The following FSHR variants were observed in gnomAD, a reference collection of about 807,000 sequenced individuals.
FSHR encodes follicle-stimulating hormone receptor.
In FSHR, 46 loss-of-function variants were observed where a neutral mutation model predicts 52.1. The ratio of observed to expected loss-of-function variants is 0.88; its 90% CI spans 0.70 to 1.13. The LOEUF is 1.13. FSHR is among the 50% of genes most tolerant of loss of function. The probability of loss-of-function intolerance (pLI) is 0.00; values close to 1 mark genes in which losing one functional copy is unlikely to be tolerated. For synonymous variants in FSHR, 399 were observed against 309.6 expected (o/e 1.29, Z -3.03); for missense variants, 964 against 834.6 (o/e 1.16, Z -1.91).
intron 4 of FSHR, among the ~76,000 whole-genome samples, chr2:49,010,416 T>G (rs538526898): frequency 1.3e-5 from 2 of 152,048 alleles, no homozygotes; most frequent in Non-Finnish European, 2.9e-5. Context: ...GATGTGTTGC[T>G]GGATTCAGTT....
chr2:49,147,181 A>G (rs1672901546), intron 1 of FSHR, among the ~76,000 whole-genome samples: 1 of 152,092 alleles, frequency 6.6e-6, no homozygotes, highest in Non-Finnish European at 1.5e-5. Flanking sequence ...GAGATACTCC[A>G]GGGAGAGGTC....
intron 2 of FSHR, among the ~76,000 whole-genome samples, chr2:49,027,188 T>C (rs1354070911): frequency 6.6e-6 from 1 of 152,192 alleles, no homozygotes; most frequent in African/African-American, 2.4e-5. Context: ...AATTACTCTC[T>C]TCTGTATTTC....
intron 4 of FSHR, among the ~76,000 whole-genome samples, chr2:49,004,961 T>C (rs1667027719): frequency 6.6e-6 from 1 of 152,146 alleles, no homozygotes; most frequent in Non-Finnish European, 1.5e-5. Context: ...GTGGGTCCTG[T>C]AGAAATTTTC....
intron 2 of FSHR, among the ~76,000 whole-genome samples, chr2:49,061,263 C>T (rs1362869250): frequency 1.3e-5 from 2 of 152,098 alleles, no homozygotes; most frequent in South Asian, 4.1e-4. Context: ...ACCCTGCCCC[C>T]ATAGCTGCTG....
Position 48,967,244 on chromosome 2 carries a change from C to T in FSHR, c.854+1454G>A, listed in dbSNP as rs143580346. On this transcript the variant is annotated intron_variant, in intron 9 of 9. Coordinates refer to ENST00000406846, the MANE Select transcript of FSHR (RefSeq NM_000145.4). Reference sequence around the variant, plus strand: ...CCGAGTAGGTGGGACTACAGGCATGCGCCACCACACATGGCTAATTTTGTT... The same window carrying T: ...CCGAGTAGGTGGGACTACAGGCATGTGCCACCACACATGGCTAATTTTGTT... 8.9e-3 allele frequency among the ~76,000 whole-genome samples: 1,356 copies of T among 152,128 alleles called. 8 individuals carry two copies. Among genetic ancestry groups the T allele is most frequent in the Non-Finnish European group, 0.014 (947 of 67,998 alleles).
chr2:49,090,954 A>AT (rs1178245927), intron 1 of FSHR, among the ~76,000 whole-genome samples: 3 of 151,576 alleles, frequency 2.0e-5, no homozygotes, highest in Non-Finnish European at 4.4e-5. Flanking sequence ...GATTAAAAAA[A>AT]TTTTTTTTCT....
rs189814096 is a variant in FSHR at position 48,976,069 on chromosome 2, T to C, written c.668+6843A>G. Among the ~76,000 whole-genome samples, 1,504 of 152,318 alleles carry C rather than the reference T, an allele frequency of 9.9e-3. 24 individuals are homozygous for C. The highest frequency in any genetic ancestry group is 0.041 in the Middle Eastern group (12 of 294). ...GGGCATCTTTGTCTTGTGCCAGTTTTCAAAGGAAATGCTTCCAGTTTTTGC... is the reference window on the plus strand; with the variant it reads ...GGGCATCTTTGTCTTGTGCCAGTTTCCAAAGGAAATGCTTCCAGTTTTTGC... On this transcript the variant is annotated intron_variant, in intron 8 of 9. Transcript: ENST00000406846.
At chr2:49,135,016 GTAAC>G (rs1298805947) in intron 1 of FSHR, among the ~76,000 whole-genome samples, 2 of 152,124 alleles carry the variant, frequency 1.3e-5, no homozygotes, top group Non-Finnish European at 2.9e-5. Context: ...GTATACATAT[GTAAC>G]TAACCTGCAC....
At chr2:49,106,839 T>C (rs1671241306) in intron 1 of FSHR, among the ~76,000 whole-genome samples, 2 of 152,172 alleles carry the variant, frequency 1.3e-5, no homozygotes, top group Non-Finnish European at 2.9e-5. Flanking sequence ...GCTACATATG[T>C]GCAAGATGGC....
intron 1 of FSHR, among the ~76,000 whole-genome samples, chr2:49,149,836 G>A (rs571912987): frequency 6.6e-6 from 1 of 152,044 alleles, no homozygotes; most frequent in Non-Finnish European, 1.5e-5. Flanking sequence ...CTAGTGAAAA[G>A]AGATTGCAAT....
At chr2:49,059,274 T>A (rs1244979606) in intron 2 of FSHR, among the ~76,000 whole-genome samples, 4 of 151,302 alleles carry the variant, frequency 2.6e-5, no homozygotes, top group Middle Eastern at 6.8e-3. Context: ...GAAAAAAAAA[T>A]TTAAATTTGT....
intron 4 of FSHR, among the ~76,000 whole-genome samples, chr2:48,993,236 A>T (rs1675866429): frequency 6.6e-6 from 1 of 152,150 alleles, no homozygotes; most frequent in Non-Finnish European, 1.5e-5. Context: ...GTCTATTGCT[A>T]ATTAAAGCTT....
At chr2:49,143,027 T>C (rs1672746139) in intron 1 of FSHR, among the ~76,000 whole-genome samples, 1 of 152,198 alleles carries the variant, frequency 6.6e-6, no homozygotes, top group Non-Finnish European at 1.5e-5. Context: ...TTATATGTCT[T>C]GGGCTCCATA....
At chr2:49,143,109 C>T (rs1241676627) in intron 1 of FSHR, among the ~76,000 whole-genome samples, 1 of 152,040 alleles carries the variant, frequency 6.6e-6, no homozygotes, top group African/African-American at 2.4e-5. Context: ...GCTCACCATA[C>T]AGAGAGAACA....
intron 1 of FSHR, among the ~76,000 whole-genome samples, chr2:49,123,296 GGGCAACAT>G (rs1456511322): frequency 6.6e-6 from 1 of 152,138 alleles, no homozygotes. Context: ...AGACCAGTCT[GGGCAACAT>G]GGCAAAACCC....
chr2:49,075,996 T>G (rs1248990868), intron 1 of FSHR, among the ~76,000 whole-genome samples: 1 of 152,216 alleles, frequency 6.6e-6, no homozygotes, highest in Non-Finnish European at 1.5e-5. Flanking sequence ...AATATATGCT[T>G]ACAAAAATTG....
At chr2:49,141,857 T>A (rs1391369259) in intron 1 of FSHR, among the ~76,000 whole-genome samples, 1 of 152,138 alleles carries the variant, frequency 6.6e-6, no homozygotes, top group Non-Finnish European at 1.5e-5. Flanking sequence ...AGAATGGGCA[T>A]GTTAAAATCA....
At chr2:49,138,706 T>C (rs975169558) in intron 1 of FSHR, among the ~76,000 whole-genome samples, 1 of 152,176 alleles carries the variant, frequency 6.6e-6, no homozygotes, top group Non-Finnish European at 1.5e-5. Flanking sequence ...TGGAGGATGA[T>C]AGCTAACATG....
chr2:49,067,875 A>T (rs569091742), intron 2 of FSHR, among the ~76,000 whole-genome samples: 11 of 152,102 alleles, frequency 7.2e-5, no homozygotes, highest in African/African-American at 2.6e-4. Context: ...AAAATTAATC[A>T]TAAATGGTAG....
Sources: allele counts gnomAD v4.1 joint callset (sites outside exome capture counted in the v4.1 genomes callset), GRCh38; gene constraint gnomAD v4.1.1; transcripts MANE v1.5; gene names NCBI Gene and HGNC (gene_info 2026-07-23, HGNC 2026-07-21).